PTGER4: variants seen among roughly 807,000 people sequenced by gnomAD.
PTGER4 encodes prostaglandin E receptor 4, also known as prostaglandin E2 receptor EP4 subtype.
PTGER4 carries 11 observed loss-of-function variants against 33.2 expected under a neutral mutation model. The observed-to-expected ratio is 0.33, with a 90% CI of 0.21 to 0.55. PTGER4 has a LOEUF of 0.55. PTGER4 is among the 20% of genes least tolerant of loss of function. The pLI is 0.92. For synonymous variants in PTGER4, 275 were observed against 281.5 expected (o/e 0.98, Z 0.23); for missense variants, 481 against 650.2 (o/e 0.74, Z 2.83).
At chr5:40,684,917 G>A (rs1741289160) in intron 2 of PTGER4, among the ~76,000 whole-genome samples, 1 of 152,100 alleles carries the variant, frequency 6.6e-6, no homozygotes, top group Non-Finnish European at 1.5e-5. Context: ...AAACGAAAAG[G>A]ATTGAATTCT....
chr5:40,714,189 T>G, the PTGER4 span, among the ~76,000 whole-genome samples: 1 of 152,076 alleles, frequency 6.6e-6, no homozygotes, highest in Non-Finnish European at 1.5e-5. Flanking sequence ...CCACTATCTC[T>G]CCTATAATAC....
chr5:40,730,151 G>A, the PTGER4 span: 5 of 782,196 alleles, frequency 6.4e-6, no homozygotes, highest in African/African-American at 1.7e-5. Flanking sequence ...CAAAGAAACC[G>A]TATTTGTAAA....
rs925039301 is a variant in PTGER4 at position 40,681,546 on chromosome 5, T to C, written c.553T>C (p.Ser185Pro). The C allele has an allele frequency of 6.2e-7, 1 of 1,612,416 alleles. No individual in the cohort carries two copies. The highest frequency in any genetic ancestry group is 8.5e-7 in the Non-Finnish European group (1 of 1,180,020). ...TTNVTAHAAY[S>P]YMYAGFSSFL... ...CAACGTGACGGCGCACGCCGCCTAC[T>C]CCTACATGTACGCGGGCTTCAGCTC... Residue 185 changes from serine (S) to proline (P), a missense_variant, in exon 2 of 3, where the codon TCC becomes CCC. Physicochemically the swap from Ser to Pro is moderately conservative, Grantham distance 74. This residue lies in a region of PTGER4 where 174 missense variants were observed against 210.5 expected (regional missense o/e 0.83). Coordinates refer to ENST00000302472, the MANE Select transcript of PTGER4 (RefSeq NM_000958.3). This position sits in a 1 kb window ranked among gnomAD's most constrained non-coding sequence, Gnocchi z 9.8.
the PTGER4 span, among the ~76,000 whole-genome samples, chr5:40,702,419 G>A: frequency 6.6e-6 from 1 of 152,054 alleles, no homozygotes; most frequent in Non-Finnish European, 1.5e-5. Context: ...AGACAAAGAA[G>A]GCATTACCTT....
chr5:40,736,385 C>A, the PTGER4 span, among the ~76,000 whole-genome samples: 1 of 152,108 alleles, frequency 6.6e-6, no homozygotes, highest in Non-Finnish European at 1.5e-5. Context: ...GAACAAAATG[C>A]ATGGTAAATT....
At chr5:40,727,972 T>A in the PTGER4 span, among the ~76,000 whole-genome samples, 1 of 151,924 alleles carries the variant, frequency 6.6e-6, no homozygotes, top group Non-Finnish European at 1.5e-5. Context: ...CACTTTTGGG[T>A]TCAGTTAATC....
In PTGER4 at chr5:40,692,492, C is replaced by T; in HGVS notation, c.*114C>T. On this transcript the variant is annotated 3_prime_UTR_variant, in exon 3 of 3. Transcript: ENST00000302472. ...GAAGGGCTATCATCATCCTACAACTCACATTAGAGAACATCCTGGCTTTTG... is the reference window on the plus strand; with the variant it reads ...GAAGGGCTATCATCATCCTACAACTTACATTAGAGAACATCCTGGCTTTTG... The T allele has an allele frequency of 6.7e-7, 1 of 1,488,238 alleles. No individual in the cohort carries two copies. The highest frequency in any genetic ancestry group is 8.9e-7 in the Non-Finnish European group (1 of 1,127,118). 92.2% of individuals were successfully genotyped at this position (1,488,238 alleles called of 1,614,324 possible).
chr5:40,705,443 A>G, the PTGER4 span, among the ~76,000 whole-genome samples: 1 of 152,320 alleles, frequency 6.6e-6, no homozygotes, highest in African/African-American at 2.4e-5. Context: ...AGACACCAAA[A>G]GCAATTCCAA....
the PTGER4 span, among the ~76,000 whole-genome samples, chr5:40,746,434 C>A: frequency 2.6e-5 from 4 of 151,982 alleles, no homozygotes; most frequent in Admixed American, 6.6e-5. Context: ...GCCTAATTTA[C>A]CTGATACATA....
At chr5:40,737,662 C>T in the PTGER4 span, among the ~76,000 whole-genome samples, 5 of 152,142 alleles carry the variant, frequency 3.3e-5, no homozygotes, top group Non-Finnish European at 7.3e-5. Flanking sequence ...TGTATATACT[C>T]ATGTAAATAC....
At chr5:40,729,936 T>C in the PTGER4 span, among the ~76,000 whole-genome samples, 4 of 151,976 alleles carry the variant, frequency 2.6e-5, no homozygotes, top group Non-Finnish European at 5.9e-5. Context: ...TGACCTCAAG[T>C]GATCCACCCA....
downstream of PTGER4, chr5:40,696,522 A>T: frequency 4.1e-6 from 1 of 244,572 alleles, no homozygotes; most frequent in Non-Finnish European, 6.5e-6. Context: ...TCTCTGGGCT[A>T]CAGCTGGTGC....
chr5:40,730,419 T>A, the PTGER4 span: 1 of 1,163,308 alleles, frequency 8.6e-7, no homozygotes, highest in Non-Finnish European at 1.3e-6. Context: ...ATTTTTATTG[T>A]AGTAAAATAT....
the PTGER4 span, among the ~76,000 whole-genome samples, chr5:40,708,201 T>C: frequency 2.0e-5 from 3 of 151,844 alleles, no homozygotes; most frequent in East Asian, 1.9e-4. Context: ...CTAAAGGAGA[T>C]AGAGACACAA....
chr5:40,719,956 T>C, the PTGER4 span, among the ~76,000 whole-genome samples: 2 of 152,236 alleles, frequency 1.3e-5, no homozygotes, highest in African/African-American at 2.4e-5. Context: ...ATCAGATATA[T>C]GATTTACAAA....
At chr5:40,703,184 C>T in the PTGER4 span, among the ~76,000 whole-genome samples, 2 of 150,412 alleles carry the variant, frequency 1.3e-5, no homozygotes, top group African/African-American at 2.5e-5. Flanking sequence ...AATTCAAAAA[C>T]ATTCAAAAGA....
chr5:40,700,520 C>T, the PTGER4 span, among the ~76,000 whole-genome samples: 1 of 152,230 alleles, frequency 6.6e-6, no homozygotes, highest in Non-Finnish European at 1.5e-5. Context: ...GCACACACTC[C>T]CCATGGCTCG....
At chr5:40,735,999 T>C in the PTGER4 span, among the ~76,000 whole-genome samples, 1 of 152,174 alleles carries the variant, frequency 6.6e-6, no homozygotes, top group Non-Finnish European at 1.5e-5. Context: ...ATGGATGTTA[T>C]CAGGGTATGT....
At chr5:40,702,345 G>A in the PTGER4 span, among the ~76,000 whole-genome samples, 2 of 152,142 alleles carry the variant, frequency 1.3e-5, no homozygotes, top group South Asian at 2.1e-4. Context: ...CCAAGCAAAT[G>A]GAAAACAGAA....
Sources: gnomAD v4.1 joint callset for allele counts (sites outside exome capture counted in the v4.1 genomes callset) on GRCh38, gnomAD v4.1.1 for gene constraint, gnomAD v4.1.1 regional missense constraint, Gnocchi (gnomAD v3.1) non-coding constraint, MANE v1.5 for transcripts, NCBI Gene and HGNC (gene_info 2026-07-23, HGNC 2026-07-21) for gene names.